The following PDE4D variants were observed in gnomAD, a reference collection of about 807,000 sequenced individuals.
PDE4D encodes the protein phosphodiesterase 4D, also known as 3',5'-cyclic-AMP phosphodiesterase 4D.
In PDE4D, 24 loss-of-function variants were observed where a neutral mutation model predicts 87.4. That is an observed-to-expected ratio of 0.27 (90% CI 0.20 to 0.39). The LOEUF (loss-of-function observed/expected upper bound fraction) is 0.39. Ranked by LOEUF, PDE4D falls within the 10% of genes least tolerant of loss-of-function variation. PDE4D has a pLI of 1.00. For missense variants in PDE4D, 714 were observed against 1,041.0 expected (o/e 0.69, Z 4.32); for synonymous variants, 384 against 383.2 (o/e 1.00, Z -0.02).
rs1002933417 is a variant in PDE4D, at chr5:59,349,251, G to T, written c.456-133283C>A. ...TCAGACCCTTGTTGAAATTAAAAAG[G>T]CTTGTCAATTATAGTTTGAAAGTAG... On this transcript the variant is annotated intron_variant, in intron 1 of 14. Transcript: ENST00000340635. Among the ~76,000 whole-genome samples, 33 of 152,208 alleles carry T rather than the reference G, an allele frequency of 2.2e-4. No homozygotes were observed. The East Asian group carries it at 2.3e-3, about 11-fold the overall frequency.
intron 1 of PDE4D, chr5:59,275,794 C>T: frequency 1.0e-6 from 1 of 989,120 alleles, no homozygotes; most frequent in Non-Finnish European, 1.2e-6. Flanking sequence ...TTCTGACACT[C>T]GAAGAGCGCA....
rs1553114 is a variant in PDE4D, at chr5:58,990,798, C to T, written c.1287+6G>A. 0.84 allele frequency: 1,228,995 copies of T among 1,467,162 alleles called. 515,920 individuals are homozygous for T. The highest frequency in any genetic ancestry group is 0.91 in the Admixed American group (50,696 of 56,006). 90.9% of individuals were successfully genotyped at this position (1,467,162 alleles called of 1,614,324 possible). A position where few individuals can be genotyped will look rare whatever the true frequency, so the allele number is the denominator to read the frequency against. On this transcript the variant is annotated splice_donor_region_variant and intron_variant, in intron 9 of 14. Coordinates refer to ENST00000340635, the MANE Select transcript of PDE4D (RefSeq NM_001104631.2). ...AAATAAATGTAATAGAACTCAACCACCTTACCTGAAAAATGGTGTGCATGA... is the reference window on the plus strand; with the variant it reads ...AAATAAATGTAATAGAACTCAACCATCTTACCTGAAAAATGGTGTGCATGA...
At chr5:59,771,531 A>AAAGAAAGAAAG (rs1561638347) in intron 1 of PDE4D, among the ~76,000 whole-genome samples, 5 of 147,758 alleles carry the variant, frequency 3.4e-5, no homozygotes, top group African/African-American at 1.3e-4. Context: ...AGAAAGAAAG[A>AAAGAAAGAAAG]AAGAAAGAAA....
intron 1 of PDE4D, among the ~76,000 whole-genome samples, chr5:60,421,084 T>C (rs1031771011): frequency 3.5e-4 from 53 of 152,370 alleles, no homozygotes; most frequent in Admixed American, 3.4e-3. Context: ...ACTGCCTCTA[T>C]AGACTCCACC....
chr5:60,461,438 A>G (rs1469700027), intron 1 of PDE4D, among the ~76,000 whole-genome samples: 2 of 152,248 alleles, frequency 1.3e-5, no homozygotes, highest in Non-Finnish European at 2.9e-5. Flanking sequence ...GGGAAATAAT[A>G]TTGTGTTGCC....
chr5:59,883,859 T>G (rs1048135212), intron 1 of PDE4D, among the ~76,000 whole-genome samples: 3 of 152,212 alleles, frequency 2.0e-5, no homozygotes, highest in Non-Finnish European at 2.9e-5. Flanking sequence ...TCATGCCATT[T>G]TCTCTTCTCT....
chr5:59,882,688 T>C (rs928480320), intron 1 of PDE4D, among the ~76,000 whole-genome samples: 1 of 152,128 alleles, frequency 6.6e-6, no homozygotes, highest in East Asian at 1.9e-4. Context: ...TGGAAGTGGA[T>C]ATGTTATAAA....
intron 1 of PDE4D, among the ~76,000 whole-genome samples, chr5:59,222,213 C>T (rs540559180): frequency 3.3e-5 from 5 of 152,318 alleles, no homozygotes; most frequent in Admixed American, 1.3e-4. Flanking sequence ...CTTTCATCCA[C>T]GCTCTCAACT....
intron 1 of PDE4D, among the ~76,000 whole-genome samples, chr5:59,294,922 G>A (rs1411966024): frequency 1.3e-5 from 2 of 152,192 alleles, no homozygotes; most frequent in Admixed American, 1.3e-4. Context: ...GCCATTAAGA[G>A]TTTAAAAGAG....
intron 1 of PDE4D, among the ~76,000 whole-genome samples, chr5:60,355,859 GGAA>G (rs1377101453): frequency 3.9e-5 from 6 of 152,170 alleles, no homozygotes; most frequent in East Asian, 3.9e-4. Context: ...AGGCTCAGGA[GGAA>G]GAAGAAGAGA....
chr5:60,095,530 T>C (rs970166030), intron 2 of PDE4D, among the ~76,000 whole-genome samples: 5 of 152,202 alleles, frequency 3.3e-5, no homozygotes, highest in African/African-American at 7.2e-5. Flanking sequence ...TGTGTCTTTA[T>C]AGGAGAATTG....
At chr5:59,212,070 A>ATAAGAAATCAT (rs1750202484) in intron 2 of PDE4D, among the ~76,000 whole-genome samples, 1 of 152,142 alleles carries the variant, frequency 6.6e-6, no homozygotes, top group South Asian at 2.1e-4. Context: ...AGAACTATTA[A>ATAAGAAATCAT]TAAGAAATCA....
intron 1 of PDE4D, among the ~76,000 whole-genome samples, chr5:59,879,894 C>A (rs969912299): frequency 3.3e-5 from 5 of 152,116 alleles, no homozygotes; most frequent in Non-Finnish European, 5.9e-5. Flanking sequence ...GTGCACACCA[C>A]CACGTCCAGC....
intron 2 of PDE4D, among the ~76,000 whole-genome samples, chr5:59,209,835 T>A (rs1412341980): frequency 1.3e-5 from 2 of 152,230 alleles, no homozygotes; most frequent in African/African-American, 4.8e-5. Context: ...GAAAGGAATA[T>A]CATGGTCTTA....
intron 1 of PDE4D, among the ~76,000 whole-genome samples, chr5:60,209,159 C>A (rs1019372062): frequency 2.0e-5 from 3 of 150,972 alleles, no homozygotes; most frequent in African/African-American, 7.3e-5. Context: ...TCCTGCTTGT[C>A]CCCAAGGAAA....
intron 1 of PDE4D, among the ~76,000 whole-genome samples, chr5:59,258,130 T>G (rs976912076): frequency 2.0e-5 from 3 of 152,036 alleles, no homozygotes; most frequent in African/African-American, 7.2e-5. Context: ...TCATATCTGC[T>G]GGATATTCAA....
At chr5:60,512,891 G>A (rs1484213465) in intron 1 of PDE4D, among the ~76,000 whole-genome samples, 1 of 152,094 alleles carries the variant, frequency 6.6e-6, no homozygotes, top group Non-Finnish European at 1.5e-5. Flanking sequence ...GACTGTCTTT[G>A]ATAATAATGT....
At chr5:59,339,062 A>G (rs1778249293) in intron 1 of PDE4D, among the ~76,000 whole-genome samples, 1 of 152,190 alleles carries the variant, frequency 6.6e-6, no homozygotes. Flanking sequence ...CCCAAGTCCT[A>G]CAGAACTGTA....
chr5:59,592,926 G>A (rs956729985), intron 1 of PDE4D, among the ~76,000 whole-genome samples: 2 of 151,770 alleles, frequency 1.3e-5, no homozygotes, highest in African/African-American at 4.8e-5. Context: ...TTCCTTATCC[G>A]TAGCATGGAA....
Sources: gnomAD v4.1 joint callset for allele counts (sites outside exome capture counted in the v4.1 genomes callset) on GRCh38, gnomAD v4.1.1 for gene constraint, MANE v1.5 for transcripts, NCBI Gene and HGNC (gene_info 2026-07-23, HGNC 2026-07-21) for gene names.